MRC1: variants seen among roughly 807,000 people sequenced by gnomAD.
The protein encoded by MRC1 is mannose receptor C-type 1.
In MRC1, 62 loss-of-function variants were observed where a neutral mutation model predicts 102.9. That is an observed-to-expected ratio of 0.60 (90% confidence interval 0.49 to 0.74). The LOEUF (loss-of-function observed/expected upper bound fraction) is 0.74. MRC1 is among the 30% of genes least tolerant of loss of function. The pLI is 0.00. For missense variants in MRC1, 1,237 were observed against 862.8 expected, an observed-to-expected ratio of 1.43 and a Z score of -5.43; for synonymous variants, 457 against 298.4, an observed-to-expected ratio of 1.53 and a Z score of -5.48.
chr10:17,888,325 G>C (rs1290617967), intron 22 of MRC1, among the ~76,000 whole-genome samples: 1 of 152,170 alleles, frequency 6.6e-6, no homozygotes, highest in Non-Finnish European at 1.5e-5. Context: ...GTAAGTTTCA[G>C]GTTGCCTGAT....
chr10:17,839,484 AAAG>A (rs1838718163), intron 4 of MRC1, among the ~76,000 whole-genome samples: 1 of 53,756 alleles, frequency 1.9e-5, no homozygotes, highest in African/African-American at 5.7e-5. Context: ...GTACAACTTT[AAAG>A]AATTTGTGAA....
At chr10:17,894,364 C>T (rs1237709051) in intron 23 of MRC1, 52 bp downstream of exon 23, 3 of 819,796 alleles carry the variant, frequency 3.7e-6, no homozygotes, top group East Asian at 4.8e-5. Context: ...TTTTTTTTCC[C>T]CACTTTTTTC....
In MRC1 at chr10:17,837,551, C is replaced by G. The variant is rs1051272134; in HGVS notation, c.803-3142C>G. Among the ~76,000 whole-genome samples, 1,463 of 152,122 alleles carry G rather than the reference C, an allele frequency of 9.6e-3. 24 individuals carry two copies. Among genetic ancestry groups the G allele is most frequent in the African/African-American group, 0.034 (1,397 of 41,512 alleles). ...AAAAACAACCTACAAAATATTTACA[C>G]TTTTAAAATAAGTTTTCTTTTATGT... is the stretch of plus-strand genomic sequence containing the variant. On this transcript the variant is annotated intron_variant, in intron 4 of 29. Transcript: ENST00000569591.
At chr10:17,875,013 A>G (rs1341027921) in intron 16 of MRC1, 77 bp from the exon 17 acceptor site, 1 of 778,738 alleles carries the variant, frequency 1.3e-6, no homozygotes, top group Non-Finnish European at 2.4e-6. Context: ...TATCCCTTTC[A>G]CCTTTGTGTG....
chr10:17,818,599 A>G (rs1838347901), intron 1 of MRC1, among the ~76,000 whole-genome samples: 1 of 152,208 alleles, frequency 6.6e-6, no homozygotes, highest in South Asian at 2.1e-4. Context: ...ACTTGAGGTC[A>G]GGAGTTCGAG....
At chr10:17,817,901 A>T (rs1225226928) in intron 1 of MRC1, among the ~76,000 whole-genome samples, 2 of 152,232 alleles carry the variant, frequency 1.3e-5, no homozygotes, top group Non-Finnish European at 2.9e-5. Flanking sequence ...TTTAAGTCAG[A>T]CATGTTGCAG....
At chr10:17,886,655 G>C (rs1833600899) in intron 22 of MRC1, among the ~76,000 whole-genome samples, 1 of 152,128 alleles carries the variant, frequency 6.6e-6, no homozygotes, top group Non-Finnish European at 1.5e-5. Context: ...ACCTACCTTG[G>C]CCTCCCAAAG....
At position 17,828,217 on chromosome 10, in the gene MRC1, C is replaced by T. The variant is rs1298035952; in HGVS notation, c.637+502C>T. Among the ~76,000 whole-genome samples, 8 of 152,262 alleles carry T rather than the reference C, an allele frequency of 5.3e-5. No homozygotes were observed. In the East Asian group the frequency reaches 9.6e-4, roughly 18 times the overall value. On this transcript the variant is annotated intron_variant, in intron 3 of 29. Coordinates refer to ENST00000569591, the MANE Select transcript of MRC1 (RefSeq NM_002438.4). ...TCAGCCTCCCGAGTAGCTGGGACTA[C>T]AGGCGCCCGCCACCACGCCTGGCTA...
chr10:17,850,533 T>C (rs1838899116), intron 7 of MRC1, among the ~76,000 whole-genome samples: 1 of 152,104 alleles, frequency 6.6e-6, no homozygotes, highest in South Asian at 2.1e-4. Context: ...AATAGATGAA[T>C]AAAATGAGCT....
intron 4 of MRC1, among the ~76,000 whole-genome samples, chr10:17,840,151 G>A (rs1160811650): frequency 0.069 from 10,411 of 150,860 alleles, 973 homozygotes; most frequent in African/African-American, 0.21. Context: ...CTGGTTTTAT[G>A]ACTTCCACAT....
chr10:17,831,073 T>G (rs1345954488), intron 3 of MRC1, among the ~76,000 whole-genome samples: 2 of 149,140 alleles, frequency 1.3e-5, no homozygotes, highest in African/African-American at 5.1e-5. Context: ...TTTTTTTGTA[T>G]TTTTAGTAGA....
chr10:17,825,429 T>C (rs1451806932), intron 2 of MRC1, among the ~76,000 whole-genome samples: 1 of 152,104 alleles, frequency 6.6e-6, no homozygotes, highest in Non-Finnish European at 1.5e-5. Flanking sequence ...AATGGCTCAG[T>C]AGTTATTAAA....
intron 24 of MRC1, among the ~76,000 whole-genome samples, chr10:17,900,082 G>C (rs1833807998): frequency 1.5e-5 from 2 of 135,642 alleles, no homozygotes; most frequent in African/African-American, 5.7e-5. Context: ...TGGGGGACAA[G>C]AGCGAGACTT....
rs782787434 is a variant in MRC1 at position 17,823,241 on chromosome 10, G to A, written c.229G>A (p.Val77Met). The change falls in exon 2 of 30, where the codon GTG becomes ATG. Residue 77 changes from valine to methionine, a missense_variant. Val to Met is a conservative substitution (Grantham distance 21, BLOSUM62 1). Coordinates refer to ENST00000569591, the MANE Select transcript of MRC1 (RefSeq NM_002438.4). ...MSVAFKLCLG[V>M]PSKTDWVAIT... ...TGTTGCATTTAAATTATGCCTGGGA[G>A]TGCCATCAAAAACGGACTGGGTTGC... 4 of 780,422 alleles carry A rather than the reference G, an allele frequency of 5.1e-6. No individual in the cohort carries two copies. Among genetic ancestry groups the A allele is most frequent in the South Asian group, 1.3e-5 (1 of 74,580 alleles). 48.3% of individuals were successfully genotyped at this position (780,422 alleles called of 1,614,324 possible). A position where few individuals can be genotyped will look rare whatever the true frequency, so the allele number is the denominator to read the frequency against.
chr10:17,907,868 CGTGA>C (rs1255101022), intron 28 of MRC1, among the ~76,000 whole-genome samples, 170 bp downstream of exon 28: 2 of 152,170 alleles, frequency 1.3e-5, no homozygotes, highest in African/African-American at 2.4e-5. Flanking sequence ...TGCAGCTCTG[CGTGA>C]GTGAGAGACA....
intron 11 of MRC1, among the ~76,000 whole-genome samples, chr10:17,864,617 T>G (rs1589183970): frequency 6.6e-6 from 1 of 151,730 alleles, no homozygotes; most frequent in Non-Finnish European, 1.5e-5. Context: ...TCACCTGAGG[T>G]CAGTAGTTCG....
chr10:17,866,106 A>C (rs1335897087), intron 11 of MRC1, among the ~76,000 whole-genome samples: 1 of 152,240 alleles, frequency 6.6e-6, no homozygotes, highest in Non-Finnish European at 1.5e-5. Context: ...GGAGAAAGCA[A>C]GTTCAGAGCG....
intron 21 of MRC1, among the ~76,000 whole-genome samples, chr10:17,883,478 T>C (rs1354862747): frequency 3.9e-5 from 6 of 152,090 alleles, no homozygotes; most frequent in Admixed American, 1.3e-4. Context: ...GAGTTTTTTT[T>C]TTTTTTTAAA....
chr10:17,892,883 G>T (rs892545558), intron 22 of MRC1, among the ~76,000 whole-genome samples: 3 of 151,890 alleles, frequency 2.0e-5, no homozygotes, highest in Admixed American at 2.0e-4. Context: ...GGTGGCACAC[G>T]CCTGTAGTCC....
Sources: allele counts gnomAD v4.1 joint callset (sites outside exome capture counted in the v4.1 genomes callset), GRCh38; gene constraint gnomAD v4.1.1; transcripts MANE v1.5; gene names NCBI Gene and HGNC (gene_info 2026-07-23, HGNC 2026-07-21).